The following PRKRIP1 variants were observed in gnomAD, a reference collection of about 807,000 sequenced individuals.
PRKRIP1 encodes PRKR-interacting protein 1.
PRKRIP1 carries 29 observed loss-of-function variants against 29.3 expected under a neutral mutation model. That is an observed-to-expected ratio of 0.99 (90% CI 0.74 to 1.35). The LOEUF (loss-of-function observed/expected upper bound fraction) is 1.35, where lower values mean the gene tolerates loss of function less well. Among genes scored for constraint, PRKRIP1 ranks in the 40% most tolerant of loss-of-function variants. The pLI is 0.00. For synonymous variants in PRKRIP1, 90 were observed against 85.1 expected (o/e 1.06, Z -0.32); for missense variants, 247 against 236.8 (o/e 1.04, Z -0.28).
intron 5 of PRKRIP1, among the ~76,000 whole-genome samples, chr7:102,411,438 T>G (rs1288706943): frequency 6.6e-6 from 1 of 151,690 alleles, no homozygotes; most frequent in Non-Finnish European, 1.5e-5. Context: ...TAGGCCGGAG[T>G]ACAGTGTGCA....
chr7:102,419,732 C>T (rs1039497446), intron 5 of PRKRIP1, among the ~76,000 whole-genome samples: 3 of 152,104 alleles, frequency 2.0e-5, no homozygotes, highest in Non-Finnish European at 4.4e-5. Flanking sequence ...AGTTTTCCAC[C>T]GTCAAGATAG....
chr7:102,407,374 T>A (rs1796260717), intron 4 of PRKRIP1, 60 bp from the exon 5 acceptor site: 1 of 1,112,212 alleles, frequency 9.0e-7, no homozygotes, highest in Admixed American at 1.9e-5. Context: ...GAGGTGTTTA[T>A]TTTCTAAAAT....
chr7:102,421,796 C>CAA (rs781929946), intron 5 of PRKRIP1, among the ~76,000 whole-genome samples: 8 of 124,934 alleles, frequency 6.4e-5, no homozygotes, highest in African/African-American at 8.8e-5. Flanking sequence ...ACCCCGTCTC[C>CAA]AAAAAAAAAA....
chr7:102,424,974 G>A (rs376084022), intron 5 of PRKRIP1, 40 bp from the exon 6 acceptor site: 131 of 1,595,970 alleles, frequency 8.2e-5, no homozygotes, highest in Non-Finnish European at 9.9e-5. Context: ...GACCCTGAAC[G>A]ATTTTGCATG....
rs1554570584 is a variant in PRKRIP1, at chr7:102,397,652, T to A, written c.159T>A (p.Ser53Arg). The change falls in exon 2 of 6, where the codon AGT becomes AGA. Residue 53 changes from serine (S) to arginine (R), a missense_variant. Around this residue, in one of 3 missense-constraint regions of PRKRIP1, gnomAD observed 105 missense variants for 80.2 expected, o/e 1.31. Transcript: ENST00000397912. Reference protein sequence around the residue: ...DKAVPIPEKMSEWAPRPPPEF... With the variant: ...DKAVPIPEKMREWAPRPPPEF... ...CAGTTCCAATTCCAGAGAAAATGAG[T>A]GAATGGGCACCTCGACCTCCCCCAG... 1.2e-6 allele frequency: 2 copies of A among 1,613,778 alleles called. No homozygotes were observed. Among genetic ancestry groups the A allele is most frequent in the Admixed American group, 1.7e-5 (1 of 59,956 alleles).
intron 5 of PRKRIP1, among the ~76,000 whole-genome samples, chr7:102,415,118 A>G (rs1335531151): frequency 1.3e-5 from 2 of 152,196 alleles, no homozygotes; most frequent in African/African-American, 4.8e-5. Context: ...GAGCCACTCA[A>G]GGTCTTACTG....
intron 2 of PRKRIP1, among the ~76,000 whole-genome samples, chr7:102,398,516 C>T (rs1457582720): frequency 6.6e-6 from 1 of 152,040 alleles, no homozygotes; most frequent in Non-Finnish European, 1.5e-5. Flanking sequence ...AACTCCTGAC[C>T]TCAGGTGATC....
intron 5 of PRKRIP1, among the ~76,000 whole-genome samples, chr7:102,410,592 T>C (rs1325311855): frequency 6.6e-6 from 1 of 152,130 alleles, no homozygotes; most frequent in Non-Finnish European, 1.5e-5. Flanking sequence ...CTCCCTCAGA[T>C]CTGGGGAGAG....
intron 5 of PRKRIP1, among the ~76,000 whole-genome samples, chr7:102,415,023 T>C (rs1296149904): frequency 2.6e-5 from 4 of 152,210 alleles, no homozygotes; most frequent in African/African-American, 7.2e-5. Flanking sequence ...GTTTTTACCA[T>C]TGACAGTGTA....
chr7:102,407,361 AAGG>A (rs1796260257), intron 4 of PRKRIP1, 70 bp from the exon 5 acceptor site: 2 of 887,956 alleles, frequency 2.3e-6, no homozygotes, highest in Non-Finnish European at 3.7e-6. Flanking sequence ...GAGATACCAT[AAGG>A]AGGTGTTTAT....
chr7:102,403,743 T>C (rs2133171280), intron 3 of PRKRIP1, among the ~76,000 whole-genome samples: 1 of 152,320 alleles, frequency 6.6e-6, no homozygotes. Context: ...ATTTTATAGA[T>C]GAGTAGACTG....
chr7:102,402,110 C>T (rs1554571237), intron 3 of PRKRIP1, among the ~76,000 whole-genome samples: 1 of 152,156 alleles, frequency 6.6e-6, no homozygotes, highest in Non-Finnish European at 1.5e-5. Context: ...TACCAGGTCA[C>T]TGCAGTGGGT....
chr7:102,415,058 A>G (rs1437068413), intron 5 of PRKRIP1, among the ~76,000 whole-genome samples: 1 of 152,116 alleles, frequency 6.6e-6, no homozygotes, highest in Non-Finnish European at 1.5e-5. Flanking sequence ...CTCTCACCAT[A>G]TCCTCAACAT....
chr7:102,421,211 G>T (rs1796683118), intron 5 of PRKRIP1, among the ~76,000 whole-genome samples: 1 of 152,190 alleles, frequency 6.6e-6, no homozygotes, highest in Non-Finnish European at 1.5e-5. Context: ...AGGATAAAAG[G>T]TTGAAACACC....
At chr7:102,412,257 A>G (rs1281611737) in intron 5 of PRKRIP1, among the ~76,000 whole-genome samples, 2 of 152,216 alleles carry the variant, frequency 1.3e-5, no homozygotes, top group South Asian at 4.1e-4. Flanking sequence ...AAGGATAACC[A>G]TCATAAAAGT....
intron 5 of PRKRIP1, among the ~76,000 whole-genome samples, chr7:102,410,527 CAGCCTCCTCCCATTTTT>C (rs1426039260): frequency 6.6e-6 from 1 of 152,176 alleles, no homozygotes; most frequent in Non-Finnish European, 1.5e-5. Context: ...CCAACCCAGT[CAGCCTCCTCCCATTTTT>C]ACAGCTACTG....
At chr7:102,415,116 CA>C (rs1406290341) in intron 5 of PRKRIP1, among the ~76,000 whole-genome samples, 1 of 152,204 alleles carries the variant, frequency 6.6e-6, no homozygotes, top group Non-Finnish European at 1.5e-5. Context: ...GAGAGCCACT[CA>C]AGGTCTTACT....
chr7:102,421,524 T>C (rs573493403), intron 5 of PRKRIP1, among the ~76,000 whole-genome samples: 9 of 147,850 alleles, frequency 6.1e-5, no homozygotes, highest in South Asian at 2.2e-4. Context: ...AAAGGCCGGG[T>C]GTGGTGGTTC....
At chr7:102,418,435 T>C (rs565313986) in intron 5 of PRKRIP1, among the ~76,000 whole-genome samples, 1 of 152,296 alleles carries the variant, frequency 6.6e-6, no homozygotes, top group East Asian at 1.9e-4. Context: ...ACTGGATGGT[T>C]GCTTTTAGGC....
Sources: allele counts gnomAD v4.1 joint callset (sites outside exome capture counted in the v4.1 genomes callset), GRCh38; gene constraint gnomAD v4.1.1; regional missense constraint gnomAD v4.1.1; transcripts MANE v1.5; gene names NCBI Gene and HGNC (gene_info 2026-07-23, HGNC 2026-07-21).